PRELID2: variants seen among roughly 807,000 people sequenced by gnomAD.
PRELID2 encodes PRELI domain containing 2.
In PRELID2, 25 loss-of-function variants were observed where a neutral mutation model predicts 28.4. The observed-to-expected ratio is 0.88, with a 90% CI of 0.64 to 1.23. The LOEUF (loss-of-function observed/expected upper bound fraction) is 1.23. Among genes scored for constraint, PRELID2 ranks in the 50% most tolerant of loss-of-function variants. The probability of loss-of-function intolerance (pLI) is 0.00; values close to 1 mark genes in which losing one functional copy is unlikely to be tolerated. For missense variants in PRELID2, 201 were observed against 214.4 expected (o/e 0.94, Z 0.39); for synonymous variants, 76 against 71.6 (o/e 1.06, Z -0.31).
chr5:145,336,970 G>T, the PRELID2 span, among the ~76,000 whole-genome samples: 1 of 110,190 alleles, frequency 9.1e-6, no homozygotes, highest in Non-Finnish European at 1.7e-5. Flanking sequence ...TGTGGGGTGG[G>T]GGGAGGGGGG....
chr5:145,598,596 C>T (rs1347827861), intron 1 of PRELID2, among the ~76,000 whole-genome samples: 1 of 152,164 alleles, frequency 6.6e-6, no homozygotes, highest in Non-Finnish European at 1.5e-5. Context: ...ATTCACCAAA[C>T]ACTCATTCAG....
intron 1 of PRELID2, among the ~76,000 whole-genome samples, chr5:145,715,059 A>T (rs963877665): frequency 6.6e-6 from 1 of 152,188 alleles, no homozygotes; most frequent in Non-Finnish European, 1.5e-5. Context: ...CCACATCTGT[A>T]TTAAAGACTT....
chr5:145,353,486 A>G, the PRELID2 span, among the ~76,000 whole-genome samples: 1 of 151,998 alleles, frequency 6.6e-6, no homozygotes, highest in Non-Finnish European at 1.5e-5. Context: ...AAGAAAAGAA[A>G]AGAAATACCT....
At chr5:145,763,557 C>A (rs752239918) in intron 6 of PRELID2, among the ~76,000 whole-genome samples, 13 of 152,288 alleles carry the variant, frequency 8.5e-5, no homozygotes, top group African/African-American at 7.2e-5. Flanking sequence ...ATTCACAGGT[C>A]TGGACAGCAT....
At chr5:145,656,121 C>T (rs1275774872) in intron 1 of PRELID2, among the ~76,000 whole-genome samples, 2 of 152,112 alleles carry the variant, frequency 1.3e-5, no homozygotes, top group East Asian at 3.9e-4. Flanking sequence ...CAAAAGAAGA[C>T]CTTTATGCAA....
chr5:145,810,376 T>C (rs1474008080), intron 4 of PRELID2, among the ~76,000 whole-genome samples: 2 of 152,232 alleles, frequency 1.3e-5, no homozygotes, highest in South Asian at 4.1e-4. Flanking sequence ...GATCACTGCA[T>C]GAACCTAGAA....
At chr5:145,565,573 C>T (rs559593205) in intron 1 of PRELID2, among the ~76,000 whole-genome samples, 11 of 152,342 alleles carry the variant, frequency 7.2e-5, no homozygotes, top group African/African-American at 2.6e-4. Context: ...AGTCAGCTGG[C>T]AGACATGTCA....
At chr5:145,472,667 A>T (rs1752065134) in intron 2 of PRELID2, among the ~76,000 whole-genome samples, 1 of 152,134 alleles carries the variant, frequency 6.6e-6, no homozygotes, top group African/African-American at 2.4e-5. Flanking sequence ...TAGTTATGTG[A>T]TCTTCAGCAG....
At chr5:145,781,668 A>C (rs1484417898) in intron 5 of PRELID2, among the ~76,000 whole-genome samples, 1 of 147,126 alleles carries the variant, frequency 6.8e-6, no homozygotes, top group Non-Finnish European at 1.5e-5. Flanking sequence ...CACACTATAT[A>C]TATACACTTA....
chr5:145,827,346 T>C (rs1379317039), intron 1 of PRELID2, among the ~76,000 whole-genome samples: 1 of 152,136 alleles, frequency 6.6e-6, no homozygotes, highest in Non-Finnish European at 1.5e-5. Context: ...TATAAATTAA[T>C]CAAAATTTCA....
the PRELID2 span, among the ~76,000 whole-genome samples, chr5:145,265,274 C>T: frequency 3.0e-4 from 45 of 152,006 alleles, no homozygotes; most frequent in Non-Finnish European, 6.3e-4. Flanking sequence ...AGGTGAAAGA[C>T]CTCTACAAGG....
At chr5:145,517,371 C>T (rs1752526087) in intron 1 of PRELID2, among the ~76,000 whole-genome samples, 1 of 151,922 alleles carries the variant, frequency 6.6e-6, no homozygotes, top group Non-Finnish European at 1.5e-5. Context: ...ATTTATGTGG[C>T]CAGAAAAACA....
the PRELID2 span, among the ~76,000 whole-genome samples, chr5:145,309,526 A>G: frequency 1.3e-5 from 2 of 152,234 alleles, no homozygotes; most frequent in African/African-American, 4.8e-5. Context: ...GTTGTACCAA[A>G]TATTTAAAGA....
At chr5:145,764,106 CA>C (rs1561581321) in intron 6 of PRELID2, among the ~76,000 whole-genome samples, 6 of 151,950 alleles carry the variant, frequency 3.9e-5, no homozygotes, top group Admixed American at 2.0e-4. Flanking sequence ...CAAACAAAAA[CA>C]AAAAAACCTA....
intron 1 of PRELID2, among the ~76,000 whole-genome samples, chr5:145,630,068 CAT>C (rs1309039753): frequency 2.0e-5 from 3 of 152,084 alleles, no homozygotes; most frequent in Admixed American, 1.3e-4. Context: ...TTTGTTTTAG[CAT>C]ATTCAGACTC....
the PRELID2 span, among the ~76,000 whole-genome samples, chr5:145,302,264 C>T: frequency 6.6e-6 from 1 of 151,720 alleles, no homozygotes; most frequent in Non-Finnish European, 1.5e-5. Context: ...TGGGTTCAAG[C>T]GATTCTCTTG....
intron 2 of PRELID2, among the ~76,000 whole-genome samples, chr5:145,472,360 G>A (rs1009492563): frequency 8.5e-5 from 13 of 152,064 alleles, no homozygotes; most frequent in Non-Finnish European, 7.4e-5. Flanking sequence ...AGAATGATAA[G>A]CACTATTATC....
At chr5:145,256,451 C>A in the PRELID2 span, among the ~76,000 whole-genome samples, 2 of 151,922 alleles carry the variant, frequency 1.3e-5, no homozygotes, top group African/African-American at 4.8e-5. Context: ...CCCAGTTGAT[C>A]CAGAATCATA....
In PRELID2 at chr5:145,566,857, A is replaced by AAG. The variant is rs1372913060; in HGVS notation, n.71-93544_71-93543dup. Among the ~76,000 whole-genome samples, 172 of 149,744 alleles carry AAG rather than the reference A, an allele frequency of 1.1e-3. 1 individual carries two copies. The highest frequency in any genetic ancestry group is 4.2e-3 in the African/African-American group (167 of 39,730). Reference sequence around the variant, plus strand: ...TCCATCTCAAAAAAAAAAAAAAAAAAAGAGAGAGCAAGAGAAAGAGAAAGA... The same window carrying AAG: ...TCCATCTCAAAAAAAAAAAAAAAAAAAGAGAGAGAGCAAGAGAAAGAGAAAGA... On this transcript the variant is annotated intron_variant and non_coding_transcript_variant, in intron 1 of 2. Transcript: ENST00000510259.
Sources: gnomAD v4.1 joint callset for allele counts (sites outside exome capture counted in the v4.1 genomes callset) on GRCh38, gnomAD v4.1.1 for gene constraint, MANE v1.5 for transcripts, NCBI Gene and HGNC (gene_info 2026-07-23, HGNC 2026-07-21) for gene names.